The following RBKS variants were observed in gnomAD, a reference collection of about 807,000 sequenced individuals.
RBKS encodes the protein ribokinase.
Under a neutral mutation model 33.9 loss-of-function variants are expected in RBKS, and 33 were observed. The observed-to-expected ratio is 0.97, with a 90% CI of 0.74 to 1.30. The LOEUF (loss-of-function observed/expected upper bound fraction) is 1.30. RBKS is among the 50% of genes most tolerant of loss of function. The pLI is 0.00. For missense variants in RBKS, 361 were observed against 392.6 expected, an observed-to-expected ratio of 0.92 and a Z score of 0.68; for synonymous variants, 125 against 143.0, an observed-to-expected ratio of 0.87 and a Z score of 0.90.
At chr2:27,812,419 T>C (rs904546653) in intron 7 of RBKS, among the ~76,000 whole-genome samples, 4 of 152,240 alleles carry the variant, frequency 2.6e-5, no homozygotes, top group African/African-American at 7.2e-5. Flanking sequence ...CGTATGTTTA[T>C]TGTGGTACTA....
intron 7 of RBKS, among the ~76,000 whole-genome samples, chr2:27,803,135 C>T (rs1240898300): frequency 6.6e-6 from 1 of 152,152 alleles, no homozygotes; most frequent in Non-Finnish European, 1.5e-5. Flanking sequence ...TGGCCAAAAT[C>T]TGAATTTTTC....
intron 1 of RBKS, among the ~76,000 whole-genome samples, chr2:27,878,423 T>C (rs530470263): frequency 9.3e-4 from 142 of 152,010 alleles, no homozygotes; most frequent in African/African-American, 3.4e-3. Context: ...CTTAATCCAG[T>C]CTATCATTGT....
Position 27,786,643 on chromosome 2 carries a change from G to A in RBKS, c.796-4855C>T, listed in dbSNP as rs940476878. Among the ~76,000 whole-genome samples, 5 of 152,084 alleles carry A rather than the reference G, an allele frequency of 3.3e-5. No individual in the cohort carries two copies. The South Asian group carries it at 6.2e-4, about 19-fold the overall frequency. On this transcript the variant is annotated intron_variant, in intron 7 of 7. Coordinates refer to ENST00000302188, the MANE Select transcript of RBKS (RefSeq NM_022128.3). ...GAAAAATACAAAAAATTAGCCGGGC[G>A]TGGTGGTGGGTGCCTGTAATCCCAG...
intron 1 of RBKS, among the ~76,000 whole-genome samples, chr2:27,885,819 C>A (rs1029420944): frequency 6.6e-6 from 1 of 152,104 alleles, no homozygotes; most frequent in Non-Finnish European, 1.5e-5. Flanking sequence ...CTCTGCACAT[C>A]AGGAAGTGCC....
At chr2:27,822,659 G>A (rs532928158) in intron 7 of RBKS, among the ~76,000 whole-genome samples, 2 of 152,234 alleles carry the variant, frequency 1.3e-5, no homozygotes, top group South Asian at 2.1e-4. Context: ...CAAGCTCTGA[G>A]TAGTTATGGG....
chr2:27,792,674 G>A (rs1252997545), intron 7 of RBKS, among the ~76,000 whole-genome samples: 2 of 152,002 alleles, frequency 1.3e-5, no homozygotes, highest in Non-Finnish European at 2.9e-5. Flanking sequence ...CGCAGACTGG[G>A]CACGTTCACT....
intron 1 of RBKS, among the ~76,000 whole-genome samples, chr2:27,883,264 ATC>A (rs1458027244): frequency 6.7e-6 from 1 of 149,954 alleles, no homozygotes; most frequent in Non-Finnish European, 1.5e-5. Flanking sequence ...CAGTGGCACG[ATC>A]TCAGCTCACT....
At chr2:27,789,173 T>A (rs1013480262) in intron 7 of RBKS, among the ~76,000 whole-genome samples, 3 of 152,286 alleles carry the variant, frequency 2.0e-5, no homozygotes, top group African/African-American at 7.2e-5. Context: ...CCCACAAATA[T>A]ATGGTCAACT....
At chr2:27,803,699 C>G (rs541435208) in intron 7 of RBKS, among the ~76,000 whole-genome samples, 1 of 125,550 alleles carries the variant, frequency 8.0e-6, no homozygotes, top group Non-Finnish European at 1.8e-5. Flanking sequence ...GACTCTGTCT[C>G]AAAAAAAAAA....
Position 27,865,872 on chromosome 2 carries a change from A to G in RBKS, c.90-7301T>C, listed in dbSNP as rs553500323. Among the ~76,000 whole-genome samples, 149 of 152,216 alleles carry G rather than the reference A, an allele frequency of 9.8e-4. 1 individual carries two copies. The Middle Eastern group carries it at 0.034, about 35-fold the overall frequency. ...ATTTCCCCTTCCTAACCTTTGTGCT[A>G]TTGTCATACATTTTACTTCCACATG... On this transcript the variant is annotated intron_variant, in intron 1 of 7. Transcript: ENST00000302188.
intron 7 of RBKS, among the ~76,000 whole-genome samples, chr2:27,794,575 C>A (rs978857977): frequency 1.3e-5 from 2 of 151,510 alleles, no homozygotes; most frequent in Non-Finnish European, 2.9e-5. Flanking sequence ...GACAATGACA[C>A]CCCCATGAAA....
intron 7 of RBKS, among the ~76,000 whole-genome samples, chr2:27,799,313 A>G (rs1677728733): frequency 6.6e-6 from 1 of 152,182 alleles, no homozygotes; most frequent in African/African-American, 2.4e-5. Context: ...TCTTGCAAGA[A>G]TGACGTCACT....
intron 1 of RBKS, among the ~76,000 whole-genome samples, chr2:27,865,963 T>C (rs1444218616): frequency 2.0e-5 from 3 of 152,176 alleles, no homozygotes; most frequent in Non-Finnish European, 4.4e-5. Flanking sequence ...TTAAAGAAAT[T>C]GAGAAGTGAA....
At chr2:27,840,081 G>A (rs1005084751) in intron 5 of RBKS, among the ~76,000 whole-genome samples, 7 of 147,892 alleles carry the variant, frequency 4.7e-5, no homozygotes, top group East Asian at 4.0e-4. Context: ...GTGGAGTGGC[G>A]CGATCTCAGC....
chr2:27,841,933 A>T (rs1224959090), intron 5 of RBKS, among the ~76,000 whole-genome samples: 1 of 152,168 alleles, frequency 6.6e-6, no homozygotes, highest in Admixed American at 6.6e-5. Flanking sequence ...CTTGATCAGG[A>T]TATTATCCTA....
chr2:27,812,341 C>T (rs1262068317), intron 7 of RBKS, among the ~76,000 whole-genome samples: 1 of 152,158 alleles, frequency 6.6e-6, no homozygotes, highest in Non-Finnish European at 1.5e-5. Flanking sequence ...CCATTTGACC[C>T]AGCCATCCCA....
At chr2:27,785,396 T>C (rs899839710) in intron 7 of RBKS, among the ~76,000 whole-genome samples, 12 of 152,084 alleles carry the variant, frequency 7.9e-5, no homozygotes, top group South Asian at 4.1e-4. Flanking sequence ...AATAAAGATA[T>C]AGGCCTGCAA....
At chr2:27,887,030 T>C (rs546328109) in intron 1 of RBKS, among the ~76,000 whole-genome samples, 9 of 152,342 alleles carry the variant, frequency 5.9e-5, no homozygotes, top group African/African-American at 1.7e-4. Context: ...ATCCCCAGAA[T>C]TTGTGAATAT....
At chr2:27,869,040 A>G (rs890428084) in intron 1 of RBKS, among the ~76,000 whole-genome samples, 7 of 152,218 alleles carry the variant, frequency 4.6e-5, no homozygotes, top group Non-Finnish European at 1.0e-4. Flanking sequence ...GATAAGGAGA[A>G]TGAAAATCAG....
Sources: allele counts gnomAD v4.1 joint callset (sites outside exome capture counted in the v4.1 genomes callset), GRCh38; gene constraint gnomAD v4.1.1; transcripts MANE v1.5; gene names NCBI Gene and HGNC (gene_info 2026-07-23, HGNC 2026-07-21).